Variants in ENPP6 observed in about 807,000 individuals in gnomAD.
The protein encoded by ENPP6 is ectonucleotide pyrophosphatase/phosphodiesterase 6, also known as glycerophosphocholine cholinephosphodiesterase ENPP6.
ENPP6 carries 32 observed loss-of-function variants against 42.0 expected under a neutral mutation model. That is an observed-to-expected ratio of 0.76 (90% CI 0.58 to 1.02). The LOEUF (loss-of-function observed/expected upper bound fraction) is 1.02, where lower values mean the gene tolerates loss of function less well. ENPP6 is among the 50% of genes least tolerant of loss of function. The pLI, the probability that ENPP6 is intolerant of heterozygous loss-of-function variation, is 0.00. For synonymous variants in ENPP6, 213 were observed against 216.0 expected (o/e 0.99, Z 0.12); for missense variants, 552 against 566.8 (o/e 0.97, Z 0.27).
chr4:184,158,378 C>G (rs1454639245), intron 1 of ENPP6, among the ~76,000 whole-genome samples: 5 of 151,772 alleles, frequency 3.3e-5, no homozygotes, highest in Non-Finnish European at 7.4e-5. Flanking sequence ...AAGCCAAAAC[C>G]ATGAAAAGCT....
chr4:184,168,442 T>C (rs1369944591), intron 1 of ENPP6, among the ~76,000 whole-genome samples: 2 of 152,198 alleles, frequency 1.3e-5, no homozygotes, highest in Non-Finnish European at 2.9e-5. Context: ...TCAAATCCCC[T>C]TGACGAAAAG....
At chr4:184,131,622 C>A (rs1055626626) in intron 2 of ENPP6, among the ~76,000 whole-genome samples, 18 of 151,994 alleles carry the variant, frequency 1.2e-4, no homozygotes, top group Admixed American at 1.0e-3. Flanking sequence ...CCTTGGCCTC[C>A]CAAAGTGCTG....
rs114944973 is a variant in ENPP6, at chr4:184,165,453, G to A, written c.242-11720C>T. On this transcript the variant is annotated intron_variant, in intron 1 of 7. Transcript: ENST00000296741. ...CCGCACCAGCACCTGCTCCCCTCCA[G>A]CCACGGTGTAGCCTCATCAGTTCAC... Among the ~76,000 whole-genome samples the A allele has an allele frequency of 6.2e-3, 947 of 152,280 alleles. 16 individuals are homozygous for A. The highest frequency in any genetic ancestry group is 0.02 in the African/African-American group (846 of 41,554).
chr4:184,091,165 C>A lies in ENPP6; in HGVS notation c.*12G>T. ...TGATGGTGTTTTTTTCTGAGACAAG[C>A]AATATGATCAGTTATGCAAGCAGGA... On this transcript the variant is annotated 3_prime_UTR_variant, in exon 8 of 8. Coordinates refer to ENST00000296741, the MANE Select transcript of ENPP6 (RefSeq NM_153343.4). 1 of 1,510,868 alleles carries A rather than the reference C, an allele frequency of 6.6e-7. No homozygotes were observed. The highest frequency in any genetic ancestry group is 8.8e-7 in the Non-Finnish European group (1 of 1,129,978). 93.6% of individuals were successfully genotyped at this position (1,510,868 alleles called of 1,614,324 possible).
intron 1 of ENPP6, among the ~76,000 whole-genome samples, chr4:184,168,958 C>T (rs1161373626): frequency 6.6e-6 from 1 of 152,166 alleles, no homozygotes; most frequent in Non-Finnish European, 1.5e-5. Context: ...TTCATTTTCC[C>T]TTTTAGGATA....
intron 1 of ENPP6, among the ~76,000 whole-genome samples, chr4:184,182,072 C>CA (rs988386335): frequency 6.6e-6 from 1 of 151,274 alleles, no homozygotes; most frequent in Non-Finnish European, 1.5e-5. Flanking sequence ...AGTGAACAGA[C>CA]AAACTACAGA....
At chr4:184,114,268 G>A (rs1009318612) in intron 5 of ENPP6, among the ~76,000 whole-genome samples, 1 of 152,098 alleles carries the variant, frequency 6.6e-6, no homozygotes, top group Non-Finnish European at 1.5e-5. Flanking sequence ...GCCTGGCCCT[G>A]TACATATTTC....
rs1396430331 is a variant in ENPP6, at chr4:184,090,884, G to C, written c.*293C>G. The C allele has an allele frequency of 2.3e-6, 1 of 431,728 alleles. No homozygotes were observed. The highest frequency in any genetic ancestry group is 4.1e-6 in the Non-Finnish European group (1 of 246,906). The allele number at this position is 431,728 out of a possible 1,614,324, so 26.7% of individuals were successfully genotyped here. On this transcript the variant is annotated 3_prime_UTR_variant, in exon 8 of 8. Coordinates refer to ENST00000296741, the MANE Select transcript of ENPP6 (RefSeq NM_153343.4). The stretch of plus-strand genomic sequence containing the variant: ...TCCAAGTTTGGTTGCTGCAGGAGCA[G>C]GTCCCTGCTCAGAGAGTTCATCCTG...
intron 1 of ENPP6, among the ~76,000 whole-genome samples, chr4:184,190,868 G>A (rs978660989): frequency 3.3e-5 from 5 of 152,210 alleles, no homozygotes; most frequent in Non-Finnish European, 7.3e-5. Flanking sequence ...GACCATTTGA[G>A]ATAAGTAGCT....
At chr4:184,143,382 G>A (rs1019883969) in intron 2 of ENPP6, among the ~76,000 whole-genome samples, 5 of 152,198 alleles carry the variant, frequency 3.3e-5, no homozygotes, top group African/African-American at 7.2e-5. Context: ...GAGGCAAGGC[G>A]GGAGCAGTGT....
intron 2 of ENPP6, among the ~76,000 whole-genome samples, chr4:184,125,483 G>C (rs1736488314): frequency 6.6e-6 from 1 of 152,160 alleles, no homozygotes. Context: ...AGTAAAAGTG[G>C]GGCAGAGGGA....
chr4:184,162,574 A>AG (rs1560997438), intron 1 of ENPP6, among the ~76,000 whole-genome samples: 33,066 of 150,288 alleles, frequency 0.22, 4,056 homozygotes, highest in African/African-American at 0.29. Context: ...GAAGGAAGGA[A>AG]GAAAGGAAGG....
rs374962656 is a variant in ENPP6, at chr4:184,131,271, C to CT, written c.422-7000_422-6999insA. Reference sequence around the variant, plus strand: ...TTCTTTCTCTTTCTCTTCCTTCCTTCCTTCCTTCCTTCCTTCCTTCCTTCC... The same window carrying CT: ...TTCTTTCTCTTTCTCTTCCTTCCTTCTCTTCCTTCCTTCCTTCCTTCCTTCC... On this transcript the variant is annotated intron_variant, in intron 2 of 7. Coordinates refer to ENST00000296741, the MANE Select transcript of ENPP6 (RefSeq NM_153343.4). Among the ~76,000 whole-genome samples, 86 of 59,910 alleles carry CT rather than the reference C, an allele frequency of 1.4e-3. 3 individuals carry two copies. Among genetic ancestry groups the CT allele is most frequent in the Middle Eastern group, 0.01 (1 of 100 alleles). 39.3% of individuals were successfully genotyped at this position (59,910 alleles called of 152,430 possible). A position where few individuals can be genotyped will look rare whatever the true frequency, so the allele number is the denominator to read the frequency against.
At chr4:184,126,176 T>C (rs1322974005) in intron 2 of ENPP6, among the ~76,000 whole-genome samples, 1 of 152,232 alleles carries the variant, frequency 6.6e-6, no homozygotes, top group Admixed American at 6.5e-5. Context: ...ATGTTTTTGG[T>C]ACGAGCAACA....
At chr4:184,131,258 C>CCA (rs1553996061) in intron 2 of ENPP6, among the ~76,000 whole-genome samples, 1 of 36,190 alleles carries the variant, frequency 2.8e-5, no homozygotes, top group Admixed American at 3.2e-4. Context: ...CTTTCTCTTT[C>CCA]TCTTCCTTCC....
At chr4:184,188,275 T>C (rs760116934) in intron 1 of ENPP6, among the ~76,000 whole-genome samples, 2 of 152,348 alleles carry the variant, frequency 1.3e-5, no homozygotes, top group African/African-American at 4.8e-5. Context: ...TTTCTCTTTA[T>C]GAAAAACATC....
At chr4:184,131,173 C>CTT in intron 2 of ENPP6, among the ~76,000 whole-genome samples, 1 of 59,220 alleles carries the variant, frequency 1.7e-5, no homozygotes, top group South Asian at 6.2e-4. Context: ...TTCTTTCTTT[C>CTT]TTTCTTTCTT....
chr4:184,152,143 G>A (rs1018805221), intron 2 of ENPP6, among the ~76,000 whole-genome samples: 2 of 152,166 alleles, frequency 1.3e-5, no homozygotes, highest in Non-Finnish European at 2.9e-5. Context: ...ACCTGCGGGT[G>A]AGGCCACTGC....
chr4:184,137,506 T>A lies in ENPP6; in HGVS notation c.422-13234A>T, dbSNP rs150963284. Reference sequence around the variant, plus strand: ...AATTGAATACTACATATTATATGCATAAAATTGTAAATACCACTTAACAGG... The same window carrying A: ...AATTGAATACTACATATTATATGCAAAAAATTGTAAATACCACTTAACAGG... On this transcript the variant is annotated intron_variant, in intron 2 of 7. Transcript: ENST00000296741. Among the ~76,000 whole-genome samples, 877 of 151,956 alleles carry A rather than the reference T, an allele frequency of 5.8e-3. 7 individuals carry two copies. Among genetic ancestry groups the A allele is most frequent in the African/African-American group, 0.02 (836 of 41,200 alleles).
Sources: gnomAD v4.1 joint callset for allele counts (sites outside exome capture counted in the v4.1 genomes callset) on GRCh38, gnomAD v4.1.1 for gene constraint, MANE v1.5 for transcripts, NCBI Gene and HGNC (gene_info 2026-07-23, HGNC 2026-07-21) for gene names.